Variants in DICER1 observed in about 807,000 individuals in gnomAD.
DICER1 encodes dicer 1, ribonuclease III, also known as endoribonuclease Dicer.
A neutral mutation model predicts 194.1 loss-of-function variants in DICER1; 43 were observed. The observed-to-expected ratio is 0.22, with a 90% CI of 0.17 to 0.29. The LOEUF (loss-of-function observed/expected upper bound fraction) is 0.29. DICER1 is among the 10% of genes least tolerant of loss of function. The probability of loss-of-function intolerance (pLI) is 1.00; values close to 1 mark genes in which losing one functional copy is unlikely to be tolerated. For missense variants in DICER1, 1,608 were observed against 2,317.0 expected, an observed-to-expected ratio of 0.69 and a Z score of 6.28; for synonymous variants, 832 against 820.5, an observed-to-expected ratio of 1.01 and a Z score of -0.24.
At chr14:95,110,334 C>T (rs1017733957) in intron 14 of DICER1, among the ~76,000 whole-genome samples, 3 of 152,208 alleles carry the variant, frequency 2.0e-5, no homozygotes, top group Non-Finnish European at 2.9e-5. Flanking sequence ...GAACCCATCC[C>T]GGACAGGACA....
At chr14:95,138,497 C>CA (rs1410903743) in intron 1 of DICER1, among the ~76,000 whole-genome samples, 3 of 151,932 alleles carry the variant, frequency 2.0e-5, no homozygotes, top group Non-Finnish European at 2.9e-5. Flanking sequence ...TCAGCTCTCA[C>CA]AAAAAACCAT....
Position 95,089,534 on chromosome 14 carries a change from TA to T in DICER1, c.*963del, listed in dbSNP as rs1462625470. On this transcript the variant is annotated 3_prime_UTR_variant, in exon 27 of 27. Transcript: ENST00000343455. ...GCCTAGAAGGCAAAATTATTTGCCA[TA>T]AACATTTCCATCAGTGGGAACTACC... 1 of 232,020 alleles carries T rather than the reference TA, an allele frequency of 4.3e-6. No individual in the cohort carries two copies. The highest frequency in any genetic ancestry group is 8.5e-6 in the Non-Finnish European group (1 of 117,408). 14.4% of individuals were successfully genotyped at this position (232,020 alleles called of 1,614,324 possible).
intron 1 of DICER1, chr14:95,141,780 G>C (rs1480159009): frequency 6.6e-6 from 1 of 152,132 alleles, no homozygotes; most frequent in Non-Finnish European, 1.5e-5. Context: ...TTTTAGAAGA[G>C]ACAACTCATT....
intron 8 of DICER1, among the ~76,000 whole-genome samples, chr14:95,120,612 A>G (rs1318076770): frequency 1.3e-5 from 2 of 152,224 alleles, no homozygotes; most frequent in Non-Finnish European, 2.9e-5. Flanking sequence ...CAAAAGGATG[A>G]GGGTATGTCA....
chr14:95,111,168 A>G, intron 14 of DICER1, 149 bp downstream of exon 14: 2 of 825,814 alleles, frequency 2.4e-6, no homozygotes, highest in Middle Eastern at 2.3e-4. Flanking sequence ...ATCTGAGAGA[A>G]GCTGTGAATC....
rs1211249353 is a variant in DICER1 at position 95,088,807 on chromosome 14, A to T, written c.*1691T>A. 3.4e-5 allele frequency: 8 copies of T among 233,230 alleles called. No individual in the cohort carries two copies. Among genetic ancestry groups the T allele is most frequent in the African/African-American group, 1.5e-4 (7 of 45,334 alleles). The allele number at this position is 233,230 out of a possible 1,614,324, so 14.4% of individuals were successfully genotyped here. On this transcript the variant is annotated 3_prime_UTR_variant, in exon 27 of 27. Coordinates refer to ENST00000343455, the MANE Select transcript of DICER1 (RefSeq NM_177438.3). Reference sequence around the variant, plus strand: ...AGAGGCATTTCTCTGTGGGTGGATGATGCAGATAAAGCAGGAAGGACAGTA... The same window carrying T: ...AGAGGCATTTCTCTGTGGGTGGATGTTGCAGATAAAGCAGGAAGGACAGTA...
intron 22 of DICER1, among the ~76,000 whole-genome samples, chr14:95,098,476 GTATTTC>G (rs1026842423): frequency 6.6e-6 from 1 of 151,914 alleles, no homozygotes; most frequent in African/African-American, 2.4e-5. Flanking sequence ...AATCTGAACA[GTATTTC>G]TAATGAATTC....
intron 8 of DICER1, among the ~76,000 whole-genome samples, chr14:95,122,299 G>A (rs539782202): frequency 4.6e-5 from 7 of 152,198 alleles, no homozygotes; most frequent in South Asian, 2.1e-4. Flanking sequence ...GGAGGAAGGC[G>A]GAAAATACAC....
intron 17 of DICER1, among the ~76,000 whole-genome samples, chr14:95,107,212 C>T (rs908763975): frequency 6.6e-6 from 1 of 151,816 alleles, no homozygotes; most frequent in African/African-American, 2.4e-5. Flanking sequence ...AATTACAATG[C>T]TAAAATCACA....
intron 5 of DICER1, 112 bp downstream of exon 5, chr14:95,129,946 C>T (rs1893810510): frequency 8.0e-6 from 8 of 1,002,820 alleles, no homozygotes; most frequent in Non-Finnish European, 1.2e-5. Flanking sequence ...TACACTGCAG[C>T]CAAACTCCCA....
At chr14:95,142,883 C>G (rs1894905083) in intron 1 of DICER1, among the ~76,000 whole-genome samples, 1 of 152,218 alleles carries the variant, frequency 6.6e-6, no homozygotes, top group Non-Finnish European at 1.5e-5. Flanking sequence ...CAAGAAAGAG[C>G]TAACCATTCA....
intron 1 of DICER1, among the ~76,000 whole-genome samples, chr14:95,144,276 T>A (rs997474726): frequency 1.3e-5 from 2 of 152,186 alleles, no homozygotes; most frequent in Non-Finnish European, 2.9e-5. Context: ...CAGGAGGCAC[T>A]GAGTAAGGCA....
intron 1 of DICER1, among the ~76,000 whole-genome samples, chr14:95,156,228 C>A (rs1300158964): frequency 6.6e-6 from 1 of 152,214 alleles, no homozygotes; most frequent in African/African-American, 2.4e-5. Context: ...ACCACGAAGA[C>A]ACCTGACAAT....
chr14:95,116,471 G>A lies in DICER1; in HGVS notation c.1734C>T (p.Thr578=), dbSNP rs1463781690. 8.1e-6 allele frequency: 13 copies of A among 1,612,306 alleles called. No individual in the cohort carries two copies. Among genetic ancestry groups the A allele is most frequent in the Non-Finnish European group, 1.0e-5 (12 of 1,179,820 alleles). Residue 578 remains threonine (T), a synonymous_variant, in exon 10 of 27, where the codon ACC becomes ACT. Transcript: ENST00000343455. The part of the protein sequence containing the change: ...KIKSFEEDLK[T]YKAIEKILRN... ...ATCTTACCTTTTCAATAGCTTTGTA[G>A]GTTTTAAGGTCTTCTTCAAAACTTT...
chr14:95,135,567 T>C (rs2140311370), intron 1 of DICER1, among the ~76,000 whole-genome samples: 1 of 152,312 alleles, frequency 6.6e-6, no homozygotes, highest in South Asian at 2.1e-4. Context: ...GGGAGGGTAT[T>C]CTTCAAAAAT....
At chr14:95,149,150 A>C (rs887272988) in intron 1 of DICER1, among the ~76,000 whole-genome samples, 1 of 152,192 alleles carries the variant, frequency 6.6e-6, no homozygotes, top group Non-Finnish European at 1.5e-5. Flanking sequence ...ACACCAAGAA[A>C]GAGCATCCAT....
At position 95,132,783 on chromosome 14, in the gene DICER1, T is replaced by C. The variant is rs1031142872; in HGVS notation, c.145-106A>G. The C allele has an allele frequency of 5.5e-5, 63 of 1,140,340 alleles. 1 individual carries two copies. The African/African-American group carries it at 6.1e-4, about 11-fold the overall frequency. The allele number at this position is 1,140,340 out of a possible 1,614,324, so 70.6% of individuals were successfully genotyped here. ...GAAATTTCACTATTCTCTAAAATCG[T>C]CCTCCAATAAATTTACAAAAAAAAC... is the stretch of plus-strand genomic sequence containing the variant. On this transcript the variant is annotated intron_variant, in intron 2 of 26. Transcript: ENST00000343455.
At chr14:95,139,198 CT>C (rs1595485401) in intron 1 of DICER1, among the ~76,000 whole-genome samples, 1 of 152,144 alleles carries the variant, frequency 6.6e-6, no homozygotes. Flanking sequence ...ACTACAGAGG[CT>C]TGGGGTATAG....
chr14:95,138,986 T>A (rs999159560), intron 1 of DICER1, among the ~76,000 whole-genome samples: 878 of 31,570 alleles, frequency 0.028, 3 homozygotes, highest in African/African-American at 0.057. Context: ...TAAAAATAAA[T>A]AAAAAAATAA....
Sources: allele counts gnomAD v4.1 joint callset (sites outside exome capture counted in the v4.1 genomes callset), GRCh38; gene constraint gnomAD v4.1.1; transcripts MANE v1.5; gene names NCBI Gene and HGNC (gene_info 2026-07-23, HGNC 2026-07-21).